Variants in COA4 observed in about 807,000 individuals in gnomAD.
COA4 encodes the protein cytochrome c oxidase assembly factor 4 homolog.
A neutral mutation model predicts 7.3 loss-of-function variants in COA4; 8 were observed. The ratio of observed to expected loss-of-function variants is 1.10; its 90% CI spans 0.64 to 1.98. The LOEUF is 1.98. Among genes scored for constraint, COA4 ranks in the 30% most tolerant of loss-of-function variants. The pLI is 0.00. For missense variants in COA4, 96 were observed against 111.2 expected, an observed-to-expected ratio of 0.86 and a Z score of 0.62; for synonymous variants, 42 against 44.3, an observed-to-expected ratio of 0.95 and a Z score of 0.21.
rs1252229922 is a variant in COA4 at position 73,876,802 on chromosome 11, G to A, written c.-62C>T. The A allele has an allele frequency of 7.2e-6, 3 of 417,278 alleles. No homozygotes were observed. The highest frequency in any genetic ancestry group is 6.3e-4 in the Middle Eastern group (1 of 1,580). The allele number at this position is 417,278 out of a possible 1,614,324, so 25.8% of individuals were successfully genotyped here. On this transcript the variant is annotated 5_prime_UTR_variant, in exon 1 of 2. Coordinates refer to ENST00000355693, the MANE Select transcript of COA4 (RefSeq NM_016565.3). ...GCCCGAACGCACGCTCCTACGCGGC[G>A]GCTTGGGTTTCGCAGGCGGTTGGGG...
chr11:73,873,257 A>T lies in COA4; in HGVS notation c.122T>A (p.Val41Glu), dbSNP rs745652462. Reference sequence around the variant, plus strand: ...CTGGTGCTGGGCCATGCACTCCTGCACTGCAAAGTGGGAGGCAGCACAGCC... The same window carrying T: ...CTGGTGCTGGGCCATGCACTCCTGCTCTGCAAAGTGGGAGGCAGCACAGCC... The part of the protein sequence containing the change: ...RSGCAASHFA[V>E]QECMAQHQDW... The change falls in exon 2 of 2, where the codon GTG (valine) becomes GAG (glutamate). Residue 41 changes from valine (V) to glutamate (E), a missense_variant. Coordinates refer to ENST00000355693, the MANE Select transcript of COA4 (RefSeq NM_016565.3). The T allele has an allele frequency of 6.2e-7, 1 of 1,614,224 alleles. No individual in the cohort carries two copies. Among genetic ancestry groups the T allele is most frequent in the Admixed American group, 1.7e-5 (1 of 60,030 alleles).
intron 1 of COA4, chr11:73,874,492 A>T (rs1441960253): frequency 6.6e-6 from 1 of 152,212 alleles, no homozygotes; most frequent in East Asian, 1.9e-4. Context: ...TTAGCTGGGC[A>T]TAGTGGCACA....
At chr11:73,873,686 T>G in intron 1 of COA4, 1 of 420,792 alleles carries the variant, frequency 2.4e-6, no homozygotes, top group Non-Finnish European at 4.2e-6. Context: ...TCAGCTAATT[T>G]TTTTGATTCT....
chr11:73,873,694 T>G (rs1948713357), intron 1 of COA4: 1 of 401,246 alleles, frequency 2.5e-6, no homozygotes, highest in Admixed American at 4.1e-5. Flanking sequence ...TTTTTTTGAT[T>G]CTTTAATAGA....
At chr11:73,876,056 C>A (rs1259565283) in intron 1 of COA4, 1 of 151,278 alleles carries the variant, frequency 6.6e-6, no homozygotes, top group Non-Finnish European at 1.5e-5. Flanking sequence ...TTGCGCCCAG[C>A]CTGGGCAACA....
At position 73,873,350 on chromosome 11, in the gene COA4, G is replaced by T. The variant is rs770163421; in HGVS notation, c.29C>A (p.Thr10Asn). MSTSVPQGHTWTQRVKKDDE... is the reference protein window; with the variant it reads MSTSVPQGHNWTQRVKKDDE... ...GTCTTTCTTCACCCGTTGGGTCCAG[G>T]TATGGCCTTGAGGGACTGAGGTTGA... The change falls in exon 2 of 2, where the codon ACC becomes AAC. Residue 10 changes from threonine (T) to asparagine (N), a missense_variant. Transcript: ENST00000355693. 7 of 1,614,186 alleles carry T rather than the reference G, an allele frequency of 4.3e-6. No homozygotes were observed. The highest frequency in any genetic ancestry group is 4.5e-5 in the East Asian group (2 of 44,886).
At chr11:73,874,566 A>G (rs1189822185) in intron 1 of COA4, 1 of 152,314 alleles carries the variant, frequency 6.6e-6, no homozygotes, top group Non-Finnish European at 1.5e-5. Flanking sequence ...AGGAGTTCAA[A>G]GGCTGCAGTG....
intron 1 of COA4, among the ~76,000 whole-genome samples, chr11:73,874,789 C>G (rs1053308412): frequency 6.6e-6 from 1 of 152,098 alleles, no homozygotes; most frequent in Non-Finnish European, 1.5e-5. Context: ...AGTTCAAGAC[C>G]AGCCTGGCCG....
chr11:73,875,846 A>C (rs1948737472), intron 1 of COA4: 2 of 152,300 alleles, frequency 1.3e-5, no homozygotes, highest in Non-Finnish European at 1.5e-5. Context: ...TACACAACTC[A>C]TTTGCCTTGG....
At chr11:73,873,632 C>A in intron 1 of COA4, 1 of 546,396 alleles carries the variant, frequency 1.8e-6, no homozygotes, top group Non-Finnish European at 3.2e-6. Context: ...CCCCTCAGTC[C>A]CTCCCTGGCC....
chr11:73,873,354 G>A lies in COA4; in HGVS notation c.25C>T (p.His9Tyr). 1 of 1,614,172 alleles carries A rather than the reference G, an allele frequency of 6.2e-7. No individual in the cohort carries two copies. Among genetic ancestry groups the A allele is most frequent in the Non-Finnish European group, 8.5e-7 (1 of 1,180,018 alleles). Residue 9 changes from histidine to tyrosine, a missense_variant, in exon 2 of 2, where the codon CAT (histidine) becomes TAT (tyrosine). By Grantham distance (83) the His-to-Tyr change is moderately conservative (BLOSUM62 2). Transcript: ENST00000355693. The part of the protein sequence containing the change: MSTSVPQG[H>Y]TWTQRVKKDD... Reference sequence around the variant, plus strand: ...TTCTTCACCCGTTGGGTCCAGGTATGGCCTTGAGGGACTGAGGTTGACATC... The same window carrying A: ...TTCTTCACCCGTTGGGTCCAGGTATAGCCTTGAGGGACTGAGGTTGACATC...
chr11:73,872,873 T>G lies in COA4; in HGVS notation c.*242A>C, dbSNP rs1160887722. On this transcript the variant is annotated 3_prime_UTR_variant, in exon 2 of 2. Coordinates refer to ENST00000355693, the MANE Select transcript of COA4 (RefSeq NM_016565.3). ...GGGTGGGGGAGCATCCCTTAACACA[T>G]TCTTTGTTTTCCTGGTAAATACTGG... 1 of 518,526 alleles carries G rather than the reference T, an allele frequency of 1.9e-6. No homozygotes were observed. The highest frequency in any genetic ancestry group is 3.4e-6 in the Non-Finnish European group (1 of 296,476). The allele number at this position is 518,526 out of a possible 1,614,324, so 32.1% of individuals were successfully genotyped here. A position where few individuals can be genotyped will look rare whatever the true frequency, so the allele number is the denominator to read the frequency against.
At chr11:73,876,683 C>A (rs542190171) in intron 1 of COA4, 74 bp downstream of exon 1, 3 of 219,026 alleles carry the variant, frequency 1.4e-5, no homozygotes, top group South Asian at 1.7e-4. Flanking sequence ...AGGACGCATG[C>A]GCGCGCGCGG....
intron 1 of COA4, chr11:73,875,777 G>A (rs540400247): frequency 1.2e-4 from 19 of 152,336 alleles, no homozygotes; most frequent in African/African-American, 4.6e-4. Flanking sequence ...ACATAGTAGG[G>A]AGTTTAAGAC....
chr11:73,876,655 CGA>C (rs1229750635), intron 1 of COA4, 100 bp downstream of exon 1: 1 of 189,232 alleles, frequency 5.3e-6, no homozygotes, highest in Non-Finnish European at 1.1e-5. Context: ...TCAGGCGTAT[CGA>C]GGACTTTGAA....
chr11:73,874,928 G>A (rs781251422), intron 1 of COA4, among the ~76,000 whole-genome samples: 8 of 152,010 alleles, frequency 5.3e-5, no homozygotes, highest in Non-Finnish European at 1.0e-4. Context: ...GGAGGTTGTA[G>A]TGAGCCAAAG....
chr11:73,872,992 A>G lies in COA4; in HGVS notation c.*123T>C. 1 of 1,301,858 alleles carries G rather than the reference A, an allele frequency of 7.7e-7. No homozygotes were observed. Among genetic ancestry groups the G allele is most frequent in the African/African-American group, 1.5e-5 (1 of 67,802 alleles). 80.6% of individuals were successfully genotyped at this position (1,301,858 alleles called of 1,614,324 possible). A position where few individuals can be genotyped will look rare whatever the true frequency, so the allele number is the denominator to read the frequency against. On this transcript the variant is annotated 3_prime_UTR_variant, in exon 2 of 2. Transcript: ENST00000355693. ...GTCCAAACCCATGGCTCTCAACTCC[A>G]GATCCAAAAACTCTCCCCATGTTTT... is the stretch of plus-strand genomic sequence containing the variant.
chr11:73,873,340 T>C lies in COA4; in HGVS notation c.39A>G (p.Gln13=), dbSNP rs771521393. The C allele has an allele frequency of 2.5e-6, 4 of 1,614,030 alleles. No individual in the cohort carries two copies. Among genetic ancestry groups the C allele is most frequent in the Non-Finnish European group, 3.4e-6 (4 of 1,180,014 alleles). The change falls in exon 2 of 2, where the codon CAA becomes CAG. Residue 13 remains glutamine, a synonymous_variant. Transcript: ENST00000355693. ...CCTCCTCATCGTCTTTCTTCACCCGTTGGGTCCAGGTATGGCCTTGAGGGA... is the reference window on the plus strand; with the variant it reads ...CCTCCTCATCGTCTTTCTTCACCCGCTGGGTCCAGGTATGGCCTTGAGGGA... ...TSVPQGHTWT[Q]RVKKDDEEED... is the part of the protein sequence containing the mutation.
chr11:73,876,065 C>A (rs1300479080), intron 1 of COA4: 1 of 147,596 alleles, frequency 6.8e-6, no homozygotes, highest in African/African-American at 2.5e-5. Flanking sequence ...GCCTGGGCAA[C>A]ACTGTGAGCC....
Sources: allele counts gnomAD v4.1 joint callset (sites outside exome capture counted in the v4.1 genomes callset), GRCh38; gene constraint gnomAD v4.1.1; transcripts MANE v1.5; gene names NCBI Gene and HGNC (gene_info 2026-07-23, HGNC 2026-07-21).